Variants in MAP3K4 observed in about 807,000 individuals in gnomAD.
The protein encoded by MAP3K4 is mitogen-activated protein kinase kinase kinase 4, also known as MAP three kinase 1.
A neutral mutation model predicts 185.6 loss-of-function variants in MAP3K4; 67 were observed. The ratio of observed to expected loss-of-function variants is 0.36; its 90% CI spans 0.30 to 0.44. The LOEUF (loss-of-function observed/expected upper bound fraction) is 0.44. Ranked by LOEUF, MAP3K4 falls within the 20% of genes least tolerant of loss-of-function variation. The pLI is 1.00. For missense variants in MAP3K4, 1,551 were observed against 1,995.1 expected (o/e 0.78, Z 4.24); for synonymous variants, 702 against 710.4 (o/e 0.99, Z 0.19).
intron 2 of MAP3K4, among the ~76,000 whole-genome samples, chr6:161,039,601 A>G (rs748322747): frequency 3.3e-5 from 5 of 152,232 alleles, no homozygotes; most frequent in Admixed American, 6.5e-5. Context: ...TGGAATTATA[A>G]TAGTGCTAAT....
In MAP3K4 at chr6:161,110,948, C is replaced by T. The variant is rs1035695942; in HGVS notation, c.4397-888C>T. ...CAAAATGGTGTTTGCACGTTTGTTC[C>T]GTGGCAGGAAGAGACTCCCTTAGAA... On this transcript the variant is annotated intron_variant, in intron 23 of 26. Coordinates refer to ENST00000392142, the MANE Select transcript of MAP3K4 (RefSeq NM_005922.4). The surrounding 1 kb of genome is among the most constrained non-coding windows in gnomAD (Gnocchi z 4.8). 1.3e-5 allele frequency among the ~76,000 whole-genome samples: 2 copies of T among 152,156 alleles called. No homozygotes were observed. The highest frequency in any genetic ancestry group is 2.9e-5 in the Non-Finnish European group (2 of 68,000).
Position 160,991,845 on chromosome 6 carries a change from G to A in MAP3K4, c.-87G>A, listed in dbSNP as rs1780707728. The A allele has an allele frequency of 2.2e-6, 3 of 1,367,266 alleles. No homozygotes were observed. The highest frequency in any genetic ancestry group is 1.9e-6 in the Non-Finnish European group (2 of 1,064,008). 84.7% of individuals were successfully genotyped at this position (1,367,266 alleles called of 1,614,324 possible). On this transcript the variant is annotated 5_prime_UTR_variant, in exon 1 of 27. Transcript: ENST00000392142. This position sits in a 1 kb window ranked among gnomAD's most constrained non-coding sequence, Gnocchi z 5.7. ...GCGGGGTAGAGGCGGAGGCGGAGTCGAGTCACTCCCGCACTTCGGGGCTCC... is the reference window on the plus strand; with the variant it reads ...GCGGGGTAGAGGCGGAGGCGGAGTCAAGTCACTCCCGCACTTCGGGGCTCC...
chr6:161,059,142 A>ATTTTTT (rs140627063), intron 3 of MAP3K4, among the ~76,000 whole-genome samples: 5 of 149,930 alleles, frequency 3.3e-5, no homozygotes, highest in African/African-American at 7.4e-5. Context: ...TGATTGATTG[A>ATTTTTT]TTTTTTTTTT....
chr6:161,026,571 T>G (rs1782671758), intron 1 of MAP3K4, among the ~76,000 whole-genome samples: 1 of 152,136 alleles, frequency 6.6e-6, no homozygotes, highest in African/African-American at 2.4e-5. Flanking sequence ...GTAGATTTGG[T>G]AAAAAATAAA....
rs6907956 is a variant in MAP3K4, at chr6:161,109,272, T to C, written c.4236+413T>C. Among the ~76,000 whole-genome samples the C allele has an allele frequency of 0.066, 10,048 of 152,266 alleles. 353 individuals are homozygous for C. The highest frequency in any genetic ancestry group is 0.088 in the African/African-American group (3,657 of 41,530). ...AATTCAAACCTCAAATTGAGTTTCCTCCTTGTGTTTAGAAATAAACACGTC... is the reference window on the plus strand; with the variant it reads ...AATTCAAACCTCAAATTGAGTTTCCCCCTTGTGTTTAGAAATAAACACGTC... On this transcript the variant is annotated intron_variant, in intron 22 of 26. Coordinates refer to ENST00000392142, the MANE Select transcript of MAP3K4 (RefSeq NM_005922.4). The surrounding 1 kb of genome is among the most constrained non-coding windows in gnomAD (Gnocchi z 5.7).
chr6:161,068,502 G>A (rs2114808812), intron 3 of MAP3K4, among the ~76,000 whole-genome samples: 1 of 152,304 alleles, frequency 6.6e-6, no homozygotes, highest in East Asian at 1.9e-4. Flanking sequence ...CAGAGACCTG[G>A]CCATTAGGCT....
chr6:161,098,143 C>A lies in MAP3K4; in HGVS notation c.3525-135C>A, dbSNP rs959253881. ...TTCTTTTTTACACCTAGACTCAAATCTCAAAGAACAATTTGCATTTTATAT... is the reference window on the plus strand; with the variant it reads ...TTCTTTTTTACACCTAGACTCAAATATCAAAGAACAATTTGCATTTTATAT... On this transcript the variant is annotated intron_variant, in intron 16 of 26. Coordinates refer to ENST00000392142, the MANE Select transcript of MAP3K4 (RefSeq NM_005922.4). This position sits in a 1 kb window ranked among gnomAD's most constrained non-coding sequence, Gnocchi z 4.4. The A allele has an allele frequency of 1.1e-5, 12 of 1,102,592 alleles. No individual in the cohort carries two copies. In the Admixed American group the frequency reaches 2.1e-4, roughly 19 times the overall value. The allele number at this position is 1,102,592 out of a possible 1,614,324, so 68.3% of individuals were successfully genotyped here.
In MAP3K4 at chr6:161,086,995, A is replaced by G. The variant is rs1386284792; in HGVS notation, c.2556+328A>G. On this transcript the variant is annotated intron_variant, in intron 9 of 26. Transcript: ENST00000392142. This position sits in a 1 kb window ranked among gnomAD's most constrained non-coding sequence, Gnocchi z 4.8. ...TTATGGTTTTGTTTTTCACCCTTAT[A>G]TTTCCTGATGCAGTTCAAAGGTTTT... Among the ~76,000 whole-genome samples, 1 of 152,188 alleles carries G rather than the reference A, an allele frequency of 6.6e-6. No homozygotes were observed. Among genetic ancestry groups the G allele is most frequent in the Non-Finnish European group, 1.5e-5 (1 of 68,020 alleles).
In MAP3K4 at chr6:161,106,407, CT is replaced by C. The variant is rs567174171; in HGVS notation, c.3857-106del. The C allele has an allele frequency of 8.2e-4, 580 of 707,070 alleles. 1 individual carries two copies. In the African/African-American group the frequency reaches 8.9e-3, roughly 11 times the overall value. The allele number at this position is 707,070 out of a possible 1,614,324, so 43.8% of individuals were successfully genotyped here. A position where few individuals can be genotyped will look rare whatever the true frequency, so the allele number is the denominator to read the frequency against. On this transcript the variant is annotated intron_variant, in intron 19 of 26. Coordinates refer to ENST00000392142, the MANE Select transcript of MAP3K4 (RefSeq NM_005922.4). This position sits in a 1 kb window ranked among gnomAD's most constrained non-coding sequence, Gnocchi z 4.9. Reference sequence around the variant, plus strand: ...TTATCTGAATAGATAATAAGCTTTGCTGTAATGGAGTGCTAATATATATTGC... The same window carrying C: ...TTATCTGAATAGATAATAAGCTTTGCGTAATGGAGTGCTAATATATATTGC...
At chr6:161,038,683 G>T (rs1049109642) in intron 2 of MAP3K4, among the ~76,000 whole-genome samples, 1 of 152,368 alleles carries the variant, frequency 6.6e-6, no homozygotes, top group South Asian at 2.1e-4. Context: ...TGGTTCAGGT[G>T]TGTAGGCAGG....
chr6:161,080,870 T>C lies in MAP3K4; in HGVS notation c.2098-11T>C, dbSNP rs2114840912. 1 of 1,613,080 alleles carries C rather than the reference T, an allele frequency of 6.2e-7. No homozygotes were observed. The highest frequency in any genetic ancestry group is 8.5e-7 in the Non-Finnish European group (1 of 1,179,428). On this transcript the variant is annotated splice_polypyrimidine_tract_variant and intron_variant, in intron 5 of 26. Coordinates refer to ENST00000392142, the MANE Select transcript of MAP3K4 (RefSeq NM_005922.4). The surrounding 1 kb of genome is among the most constrained non-coding windows in gnomAD (Gnocchi z 4.8). Reference sequence around the variant, plus strand: ...CTTTCAAATGTCTCCCTTTACTTTTTGTGTTTTAAGGTGTATTTTGATTAC... The same window carrying C: ...CTTTCAAATGTCTCCCTTTACTTTTCGTGTTTTAAGGTGTATTTTGATTAC...
chr6:161,013,557 A>G (rs575914227), intron 1 of MAP3K4, among the ~76,000 whole-genome samples: 1 of 151,908 alleles, frequency 6.6e-6, no homozygotes, highest in East Asian at 1.9e-4. Flanking sequence ...AGGGCAGGTG[A>G]GCCCAAAAGT....
chr6:161,101,638 C>T lies in MAP3K4; in HGVS notation c.3675-254C>T, dbSNP rs1583234928. ...CAGACTCTAGAGCTCTAACAGACTCCAGAGGACGGTCTCCACAGCAGCGCT... is the reference window on the plus strand; with the variant it reads ...CAGACTCTAGAGCTCTAACAGACTCTAGAGGACGGTCTCCACAGCAGCGCT... On this transcript the variant is annotated intron_variant, in intron 17 of 26. Transcript: ENST00000392142. The surrounding 1 kb of genome is among the most constrained non-coding windows in gnomAD (Gnocchi z 5.1). 3.0e-6 allele frequency: 1 copy of T among 337,872 alleles called. No individual in the cohort carries two copies. The highest frequency in any genetic ancestry group is 5.5e-5 in the East Asian group (1 of 18,296). 20.9% of individuals were successfully genotyped at this position (337,872 alleles called of 1,614,324 possible).
rs1785146391 is a variant in MAP3K4, at chr6:161,075,763, A to G, written c.2097+2151A>G. Reference sequence around the variant, plus strand: ...CCAACATTCACAGCTGGTTAGTTTTAGAAAGGCTTAGAGTTTAGTTTTGGC... The same window carrying G: ...CCAACATTCACAGCTGGTTAGTTTTGGAAAGGCTTAGAGTTTAGTTTTGGC... On this transcript the variant is annotated intron_variant, in intron 5 of 26. Transcript: ENST00000392142. The surrounding 1 kb of genome is among the most constrained non-coding windows in gnomAD (Gnocchi z 4.3). 1.3e-5 allele frequency among the ~76,000 whole-genome samples: 2 copies of G among 152,204 alleles called. No homozygotes were observed. The highest frequency in any genetic ancestry group is 1.3e-4 in the Admixed American group (2 of 15,284).
rs1016941183 is a variant in MAP3K4, at chr6:161,082,065, C to T, written c.2255+1027C>T. 6.6e-6 allele frequency among the ~76,000 whole-genome samples: 1 copy of T among 151,976 alleles called. No homozygotes were observed. The highest frequency in any genetic ancestry group is 1.5e-5 in the Non-Finnish European group (1 of 67,996). The stretch of plus-strand genomic sequence containing the variant: ...ATGTTCAGTCTCGGAATCTCGTATC[C>T]ACTTCTCTGTTCTAATGGCCAGTTC... On this transcript the variant is annotated intron_variant, in intron 6 of 26. Coordinates refer to ENST00000392142, the MANE Select transcript of MAP3K4 (RefSeq NM_005922.4). The surrounding 1 kb of genome is among the most constrained non-coding windows in gnomAD (Gnocchi z 4.2).
Position 161,067,481 on chromosome 6 carries a change from C to T in MAP3K4, c.1708-3127C>T, listed in dbSNP as rs1175937260. Among the ~76,000 whole-genome samples the T allele has an allele frequency of 1.3e-5, 2 of 152,150 alleles. No individual in the cohort carries two copies. The highest frequency in any genetic ancestry group is 4.8e-5 in the African/African-American group (2 of 41,414). Reference sequence around the variant, plus strand: ...TTTGTTTTCCTTTCACAACCCTGACCACATTTATTACAAGTAATTATTTTA... The same window carrying T: ...TTTGTTTTCCTTTCACAACCCTGACTACATTTATTACAAGTAATTATTTTA... On this transcript the variant is annotated intron_variant, in intron 3 of 26. Coordinates refer to ENST00000392142, the MANE Select transcript of MAP3K4 (RefSeq NM_005922.4). This position sits in a 1 kb window ranked among gnomAD's most constrained non-coding sequence, Gnocchi z 6.3.
chr6:161,004,029 A>G (rs932229147), intron 1 of MAP3K4, among the ~76,000 whole-genome samples: 1 of 152,160 alleles, frequency 6.6e-6, no homozygotes, highest in African/African-American at 2.4e-5. Flanking sequence ...TAGTTCTGAT[A>G]TATGCCAACA....
chr6:161,098,479 T>G lies in MAP3K4; in HGVS notation c.3674+52T>G. Reference sequence around the variant, plus strand: ...ACCCTCACCACCCCTTACATGCGCTTACACAGCAACCATAGTGTTAGGGTG... The same window carrying G: ...ACCCTCACCACCCCTTACATGCGCTGACACAGCAACCATAGTGTTAGGGTG... On this transcript the variant is annotated intron_variant, in intron 17 of 26. Transcript: ENST00000392142. This position sits in a 1 kb window ranked among gnomAD's most constrained non-coding sequence, Gnocchi z 4.4. 1.8e-5 allele frequency: 28 copies of G among 1,541,232 alleles called. No homozygotes were observed. Among genetic ancestry groups the G allele is most frequent in the Non-Finnish European group, 2.4e-5 (27 of 1,129,404 alleles).
chr6:161,106,610 T>C lies in MAP3K4; in HGVS notation c.3953T>C (p.Ile1318Thr), dbSNP rs757461782. The C allele has an allele frequency of 1.2e-6, 2 of 1,613,876 alleles. No homozygotes were observed. The highest frequency in any genetic ancestry group is 2.2e-5 in the South Asian group (2 of 91,066). Residue 1318 changes from isoleucine to threonine, a missense_variant, in exon 20 of 27, where the codon ATT (isoleucine) becomes ACT (threonine). Transcript: ENST00000392142. The surrounding 1 kb of genome is among the most constrained non-coding windows in gnomAD (Gnocchi z 4.9). ...RYREMRRKNIIGQVCDTPKSY... is the reference protein window; with the variant it reads ...RYREMRRKNITGQVCDTPKSY... The stretch of plus-strand genomic sequence containing the variant: ...CGAGAAATGAGGAGAAAGAATATCA[T>C]TGGTCAAGTTTGTGATACGCCTAAG...
Sources: allele counts gnomAD v4.1 joint callset (sites outside exome capture counted in the v4.1 genomes callset), GRCh38; gene constraint gnomAD v4.1.1; non-coding constraint Gnocchi (gnomAD v3.1); transcripts MANE v1.5; gene names NCBI Gene and HGNC (gene_info 2026-07-23, HGNC 2026-07-21).